USP34: variants seen among roughly 807,000 people sequenced by gnomAD.
USP34 encodes ubiquitin specific peptidase 34.
Under a neutral mutation model 460.3 loss-of-function variants are expected in USP34, and 70 were observed. The observed-to-expected ratio is 0.15, with a 90% CI of 0.13 to 0.19. The LOEUF is 0.19. USP34 is among the 10% of genes least tolerant of loss of function. The pLI is 1.00. For missense variants in USP34, 3,985 were observed against 4,236.2 expected (o/e 0.94, Z 1.65); for synonymous variants, 1,647 against 1,405.3 (o/e 1.17, Z -3.85).
intron 16 of USP34, among the ~76,000 whole-genome samples, chr2:61,342,705 G>A (rs1342845910): frequency 1.3e-5 from 2 of 152,054 alleles, no homozygotes; most frequent in Non-Finnish European, 1.5e-5. Flanking sequence ...GTTGGAGGAG[G>A]TCTTCTAGTA....
In USP34 at chr2:61,288,820, G is replaced by A; in HGVS notation, c.4606C>T (p.Pro1536Ser). 1 of 1,613,774 alleles carries A rather than the reference G, an allele frequency of 6.2e-7. No homozygotes were observed. The highest frequency in any genetic ancestry group is 8.5e-7 in the Non-Finnish European group (1 of 1,179,936). Residue 1536 changes from proline (P) to serine (S), a missense_variant, in exon 34 of 80, where the codon CCA becomes TCA. Pro to Ser is a moderately conservative substitution (Grantham distance 74). Coordinates refer to ENST00000398571, the MANE Select transcript of USP34 (RefSeq NM_014709.4). ...TGATAAGCTAAATCCAAATCGGATG[G>A]ATCTACTGCAAACTGGCATATTAAC... ...LKLICQFAVDPSDLDLAYHDV... is the reference protein window; with the variant it reads ...LKLICQFAVDSSDLDLAYHDV...
rs371561009 is a variant in USP34, at chr2:61,373,207, G to T, written c.1077-2628C>A. Among the ~76,000 whole-genome samples the T allele has an allele frequency of 7.3e-5, 11 of 151,720 alleles. 1 individual carries two copies. In the East Asian group the frequency reaches 2.1e-3, roughly 29 times the overall value. ...TCAATGCAATTAAAATGTCACACTAGAATCTATATATATATACTATAAAAA... is the reference window on the plus strand; with the variant it reads ...TCAATGCAATTAAAATGTCACACTATAATCTATATATATATACTATAAAAA... On this transcript the variant is annotated intron_variant, in intron 8 of 79. Coordinates refer to ENST00000398571, the MANE Select transcript of USP34 (RefSeq NM_014709.4).
At chr2:61,341,755 C>CTTTTTT (rs896288474) in intron 16 of USP34, among the ~76,000 whole-genome samples, 76 of 91,714 alleles carry the variant, frequency 8.3e-4, no homozygotes, top group Non-Finnish European at 8.7e-4. Flanking sequence ...TCAGGTCTTT[C>CTTTTTT]TTTTTTTTTT....
chr2:61,289,563 C>A (rs966691872), intron 33 of USP34, among the ~76,000 whole-genome samples: 2 of 152,064 alleles, frequency 1.3e-5, no homozygotes, highest in African/African-American at 4.8e-5. Context: ...TCTTAACCTC[C>A]TGCTCTCCTG....
In USP34 at chr2:61,417,326, T is replaced by C. The variant is rs1694225615; in HGVS notation, c.131+3420A>G. 41 of 673,556 alleles carry C rather than the reference T, an allele frequency of 6.1e-5. 1 individual carries two copies. The South Asian group carries it at 6.3e-4, about 10-fold the overall frequency. The allele number at this position is 673,556 out of a possible 1,614,324, so 41.7% of individuals were successfully genotyped here. ...CAAGGAAGCTGCTGTTTACAGCCAT[T>C]GCACACTGGACCCCCATAAGGAAAG... On this transcript the variant is annotated intron_variant, in intron 2 of 79. Transcript: ENST00000398571.
Position 61,280,351 on chromosome 2 carries a change from AT to A in USP34, c.5152-4del. Reference sequence around the variant, plus strand: ...GGTTCTTCCTCATAATCATCTATCTATTAAAAAAATTTTATACTTTGTGAAA... The same window carrying A: ...GGTTCTTCCTCATAATCATCTATCTATAAAAAAATTTTATACTTTGTGAAA... On this transcript the variant is annotated splice_region_variant and splice_polypyrimidine_tract_variant and intron_variant, in intron 38 of 79. Transcript: ENST00000398571. 1 of 1,423,786 alleles carries A rather than the reference AT, an allele frequency of 7.0e-7. No individual in the cohort carries two copies. The highest frequency in any genetic ancestry group is 9.4e-7 in the Non-Finnish European group (1 of 1,066,590). The allele number at this position is 1,423,786 out of a possible 1,614,324, so 88.2% of individuals were successfully genotyped here.
chr2:61,279,806 T>C (rs575482415), intron 39 of USP34, among the ~76,000 whole-genome samples: 89 of 152,346 alleles, frequency 5.8e-4, no homozygotes, highest in Non-Finnish European at 4.7e-4. Context: ...TGAATGGAAA[T>C]GTCATTTTAG....
At chr2:61,273,045 T>G (rs1689263119) in intron 41 of USP34, among the ~76,000 whole-genome samples, 1 of 152,134 alleles carries the variant, frequency 6.6e-6, no homozygotes, top group Non-Finnish European at 1.5e-5. Context: ...GCAACAACTG[T>G]ATACACAAAT....
intron 27 of USP34, among the ~76,000 whole-genome samples, 184 bp downstream of exon 27, chr2:61,311,356 T>C (rs1690585816): frequency 6.6e-6 from 1 of 152,104 alleles, no homozygotes; most frequent in Non-Finnish European, 1.5e-5. Context: ...CCAAATTCTG[T>C]TCTTTACCTA....
In USP34 at chr2:61,308,844, G is replaced by A. The variant is rs188677673; in HGVS notation, c.3817+2696C>T. Among the ~76,000 whole-genome samples the A allele has an allele frequency of 1.4e-3, 214 of 152,098 alleles. 1 individual carries two copies. Among genetic ancestry groups the A allele is most frequent in the Non-Finnish European group, 6.8e-4 (46 of 67,972 alleles). On this transcript the variant is annotated intron_variant, in intron 27 of 79. Coordinates refer to ENST00000398571, the MANE Select transcript of USP34 (RefSeq NM_014709.4). ...AAGCTTGAGCTCAAGAGTTTGAGAT[G>A]AGCCTAGGCAACATGGTGAAACCCT... is the stretch of plus-strand genomic sequence containing the variant.
At chr2:61,407,010 CA>C (rs765845974) in intron 2 of USP34, among the ~76,000 whole-genome samples, 2 of 150,736 alleles carry the variant, frequency 1.3e-5, no homozygotes, top group Admixed American at 1.3e-4. Flanking sequence ...AACGCAGTCT[CA>C]AAAAAAAAGT....
intron 27 of USP34, among the ~76,000 whole-genome samples, chr2:61,310,095 T>G (rs1690541210): frequency 6.6e-6 from 1 of 152,188 alleles, no homozygotes; most frequent in African/African-American, 2.4e-5. Context: ...ATGATGTTAT[T>G]GGGTAGGACA....
chr2:61,410,561 G>A (rs1357179095), intron 2 of USP34, among the ~76,000 whole-genome samples: 1 of 152,136 alleles, frequency 6.6e-6, no homozygotes, highest in African/African-American at 2.4e-5. Context: ...ATAATGCAAG[G>A]CGGAAAAGGT....
rs1184228679 is a variant in USP34 at position 61,296,938 on chromosome 2, G to C, written c.4129-13C>G. The C allele has an allele frequency of 1.2e-6, 2 of 1,601,338 alleles. No individual in the cohort carries two copies. The highest frequency in any genetic ancestry group is 1.3e-5 in the African/African-American group (1 of 74,264). ...CACATCGTAAGCTCTACACAAATAA[G>C]AACAACTACTTTATCAAAACAGATC... is the stretch of plus-strand genomic sequence containing the variant. On this transcript the variant is annotated splice_polypyrimidine_tract_variant and intron_variant, in intron 29 of 79. Coordinates refer to ENST00000398571, the MANE Select transcript of USP34 (RefSeq NM_014709.4).
At chr2:61,232,291 C>T (rs1014397582) in intron 58 of USP34, among the ~76,000 whole-genome samples, 161 bp downstream of exon 58, 1 of 152,096 alleles carries the variant, frequency 6.6e-6, no homozygotes, top group South Asian at 2.1e-4. Flanking sequence ...GTTAAAAGAA[C>T]CTGGTGAAAC....
At chr2:61,318,735 T>A (rs780989540) in intron 22 of USP34, among the ~76,000 whole-genome samples, 1 of 152,166 alleles carries the variant, frequency 6.6e-6, no homozygotes, top group African/African-American at 2.4e-5. Context: ...AATCTACACA[T>A]CTGGAGAATG....
chr2:61,403,637 C>A (rs1441783655), intron 3 of USP34, among the ~76,000 whole-genome samples: 1 of 152,078 alleles, frequency 6.6e-6, no homozygotes, highest in African/African-American at 2.4e-5. Context: ...AGAGCACAAT[C>A]TGCTTTTAAA....
chr2:61,223,569 CTTACT>C, intron 62 of USP34: 2 of 311,920 alleles, frequency 6.4e-6, no homozygotes, highest in Non-Finnish European at 1.2e-5. Context: ...TCTTATTTTA[CTTACT>C]TTTTTTTTTT....
At chr2:61,285,007 AC>A in intron 34 of USP34, 50 bp from the exon 35 acceptor site, 21 of 1,464,884 alleles carry the variant, frequency 1.4e-5, no homozygotes, top group Non-Finnish European at 2.0e-5. Flanking sequence ...CAAAAGGAAA[AC>A]CCTCAAAAAG....
Sources: gnomAD v4.1 joint callset for allele counts (sites outside exome capture counted in the v4.1 genomes callset) on GRCh38, gnomAD v4.1.1 for gene constraint, MANE v1.5 for transcripts, NCBI Gene and HGNC (gene_info 2026-07-23, HGNC 2026-07-21) for gene names.